The following PHACTR3 variants were observed in gnomAD, a reference collection of about 807,000 sequenced individuals.
PHACTR3 encodes protein phosphatase 1, regulatory subunit 123.
PHACTR3 carries 16 observed loss-of-function variants against 66.8 expected under a neutral mutation model. The ratio of observed to expected loss-of-function variants is 0.24; its 90% confidence interval spans 0.16 to 0.36. The LOEUF is 0.36. Among genes scored for constraint, PHACTR3 ranks in the 10% least tolerant of loss-of-function variants. The pLI, the probability that PHACTR3 is intolerant of heterozygous loss-of-function variation, is 1.00. For synonymous variants in PHACTR3, 323 were observed against 292.1 expected (o/e 1.11, Z -1.08); for missense variants, 647 against 719.9 (o/e 0.90, Z 1.16).
intron 1 of PHACTR3, among the ~76,000 whole-genome samples, chr20:59,620,721 G>A (rs998873619): frequency 2.0e-5 from 3 of 152,098 alleles, no homozygotes; most frequent in Admixed American, 6.5e-5. Flanking sequence ...TTTGTAATTC[G>A]TCAGCGTTTT....
chr20:59,772,919 A>G (rs1322275356), intron 5 of PHACTR3, among the ~76,000 whole-genome samples: 3 of 152,182 alleles, frequency 2.0e-5, no homozygotes, highest in Non-Finnish European at 4.4e-5. Context: ...GGGTGGCTGC[A>G]CAGATTCTTC....
intron 1 of PHACTR3, among the ~76,000 whole-genome samples, chr20:59,691,578 A>G (rs2037108017): frequency 2.0e-5 from 3 of 152,196 alleles, no homozygotes; most frequent in African/African-American, 7.2e-5. Context: ...TTTTAATAAC[A>G]GAAGTCCCTT....
intron 1 of PHACTR3, among the ~76,000 whole-genome samples, chr20:59,623,153 G>T (rs1318027720): frequency 6.6e-6 from 1 of 151,852 alleles, no homozygotes; most frequent in African/African-American, 2.4e-5. Flanking sequence ...AACTCAACAG[G>T]CTTTTTAAAA....
chr20:59,738,558 T>G lies in PHACTR3; in HGVS notation c.119-4549T>G, dbSNP rs1280094300. On this transcript the variant is annotated intron_variant, in intron 1 of 12. Transcript: ENST00000371015. This position sits in a 1 kb window ranked among gnomAD's most constrained non-coding sequence, Gnocchi z 4.4. ...TTGGGTTCAGGGTCTGATCTGTAGT[T>G]TATTCTGTGTGCTACTCCGTTTTGC... 6.6e-6 allele frequency among the ~76,000 whole-genome samples: 1 copy of G among 152,074 alleles called. No individual in the cohort carries two copies. The highest frequency in any genetic ancestry group is 1.9e-4 in the East Asian group (1 of 5,182).
chr20:59,599,751 G>T (rs143773056), upstream of PHACTR3, among the ~76,000 whole-genome samples: 8 of 152,228 alleles, frequency 5.3e-5, no homozygotes. Flanking sequence ...CTAGTCCCCC[G>T]TAGCTCATCC....
intron 1 of PHACTR3, among the ~76,000 whole-genome samples, chr20:59,730,330 A>C (rs2038718643): frequency 6.6e-6 from 1 of 152,220 alleles, no homozygotes; most frequent in South Asian, 2.1e-4. Context: ...AGGGAATGGC[A>C]CAGAAGGCAG....
intron 7 of PHACTR3, among the ~76,000 whole-genome samples, chr20:59,785,520 G>A (rs1416442718): frequency 6.6e-6 from 1 of 152,198 alleles, no homozygotes; most frequent in Non-Finnish European, 1.5e-5. Flanking sequence ...TGGGGATGGT[G>A]CTGCTGGACT....
chr20:59,774,145 G>A, intron 6 of PHACTR3, 98 bp from the exon 7 acceptor site: 1 of 1,461,284 alleles, frequency 6.8e-7, no homozygotes, highest in Non-Finnish European at 9.1e-7. Context: ...GCATTTTGGG[G>A]CTGCCTCTGT....
intron 7 of PHACTR3, among the ~76,000 whole-genome samples, chr20:59,799,371 T>C (rs2041347602): frequency 1.3e-5 from 2 of 152,192 alleles, no homozygotes; most frequent in Non-Finnish European, 2.9e-5. Context: ...AGAGAGGGGT[T>C]TTGAAATCTC....
At chr20:59,801,286 T>C (rs562078519) in intron 7 of PHACTR3, among the ~76,000 whole-genome samples, 3 of 152,340 alleles carry the variant, frequency 2.0e-5, no homozygotes, top group East Asian at 3.9e-4. Context: ...GTCATGGGCC[T>C]ACTCCATTTG....
chr20:59,840,149 T>C (rs1369793207), intron 9 of PHACTR3, among the ~76,000 whole-genome samples: 1 of 152,166 alleles, frequency 6.6e-6, no homozygotes, highest in East Asian at 1.9e-4. Flanking sequence ...CAGGTTGGGA[T>C]GACAGCAAAG....
intron 1 of PHACTR3, among the ~76,000 whole-genome samples, chr20:59,605,855 A>AGG (rs2033647544): frequency 7.9e-4 from 7 of 8,836 alleles, no homozygotes; most frequent in African/African-American, 1.3e-3. Flanking sequence ...GCGGGGGGGG[A>AGG]GGTGGGGGGG....
intron 3 of PHACTR3, among the ~76,000 whole-genome samples, chr20:59,753,353 G>T (rs1427559251): frequency 2.0e-5 from 3 of 152,174 alleles, no homozygotes; most frequent in Non-Finnish European, 4.4e-5. Context: ...ATTCTCCCCG[G>T]AGGAGACGTG....
rs1383639786 is a variant in PHACTR3, at chr20:59,746,173, C to A, written c.281-1585C>A. On this transcript the variant is annotated intron_variant, in intron 2 of 12. Coordinates refer to ENST00000371015, the MANE Select transcript of PHACTR3 (RefSeq NM_080672.5). The stretch of plus-strand genomic sequence containing the variant: ...TTTCTCTGCCCAAAAATGTCCCCAC[C>A]CTGCTGTGTTTGGGTTTCCCTTTTC... 9.2e-5 allele frequency among the ~76,000 whole-genome samples: 14 copies of A among 152,230 alleles called. 1 individual carries two copies.
At chr20:59,818,542 G>A (rs1769100435) in intron 8 of PHACTR3, among the ~76,000 whole-genome samples, 1 of 152,136 alleles carries the variant, frequency 6.6e-6, no homozygotes, top group Non-Finnish European at 1.5e-5. Flanking sequence ...CAGCACAATC[G>A]ATTTTAAGAT....
At position 59,830,236 on chromosome 20, in the gene PHACTR3, GGAAGAGGGTATGAGTGTCTGATA is replaced by G. The variant is rs1200689796; in HGVS notation, c.1329-6246_1329-6224del. On this transcript the variant is annotated intron_variant, in intron 8 of 12. Coordinates refer to ENST00000371015, the MANE Select transcript of PHACTR3 (RefSeq NM_080672.5). This position sits in a 1 kb window ranked among gnomAD's most constrained non-coding sequence, Gnocchi z 5.8. Reference sequence around the variant, plus strand: ...ATAGAAGAGGGCGTGAGTGTCTGATGGAAGAGGGTATGAGTGTCTGATAGAAGAGGGTATGAGTGTCTGATGGA... The same window carrying G: ...ATAGAAGAGGGCGTGAGTGTCTGATGGAAGAGGGTATGAGTGTCTGATGGA... Among the ~76,000 whole-genome samples the G allele has an allele frequency of 2.4e-4, 37 of 152,116 alleles. No homozygotes were observed. The highest frequency in any genetic ancestry group is 1.0e-3 in the South Asian group (5 of 4,812).
At chr20:59,696,684 A>T (rs558372159) in intron 1 of PHACTR3, among the ~76,000 whole-genome samples, 1 of 152,160 alleles carries the variant, frequency 6.6e-6, no homozygotes, top group Admixed American at 6.5e-5. Flanking sequence ...GGCTCTGTCC[A>T]CACCAGGCTC....
Position 59,743,194 on chromosome 20 carries a change from C to T in PHACTR3, c.206C>T (p.Ala69Val), listed in dbSNP as rs1480391430. 1 of 1,614,018 alleles carries T rather than the reference C, an allele frequency of 6.2e-7. No homozygotes were observed. Among genetic ancestry groups the T allele is most frequent in the Admixed American group, 1.7e-5 (1 of 60,012 alleles). The change falls in exon 2 of 13, where the codon GCC (alanine) becomes GTC (valine). Residue 69 changes from alanine to valine, a missense_variant. By Grantham distance (64) the Ala-to-Val change is moderately conservative. This residue lies in a region of PHACTR3 where 577 missense variants were observed against 571.1 expected (regional missense o/e 1.01). Coordinates refer to ENST00000371015, the MANE Select transcript of PHACTR3 (RefSeq NM_080672.5). ...CCTGTGAGGAGGAACAGCAAACTGG[C>T]CACCCTGGGCAGGATCTTCAAACCC... Reference protein sequence around the residue: ...TPPVRRNSKLATLGRIFKPWK... With the variant: ...TPPVRRNSKLVTLGRIFKPWK...
intron 1 of PHACTR3, among the ~76,000 whole-genome samples, chr20:59,719,379 G>A (rs1032500660): frequency 6.6e-6 from 1 of 152,158 alleles, no homozygotes; most frequent in African/African-American, 2.4e-5. Context: ...TGGCCAGGCT[G>A]GTCTTGAACT....
Sources: gnomAD v4.1 joint callset for allele counts (sites outside exome capture counted in the v4.1 genomes callset) on GRCh38, gnomAD v4.1.1 for gene constraint, gnomAD v4.1.1 regional missense constraint, Gnocchi (gnomAD v3.1) non-coding constraint, MANE v1.5 for transcripts, NCBI Gene and HGNC (gene_info 2026-07-23, HGNC 2026-07-21) for gene names.